The following ARHGAP20 variants were observed in gnomAD, a reference collection of about 807,000 sequenced individuals.
ARHGAP20 encodes the protein rho GTPase-activating protein 20.
Under a neutral mutation model 73.7 loss-of-function variants are expected in ARHGAP20, and 34 were observed. The observed-to-expected ratio is 0.46, with a 90% CI of 0.35 to 0.61. The LOEUF (loss-of-function observed/expected upper bound fraction) is 0.61, where lower values mean the gene tolerates loss of function less well. ARHGAP20 is among the 20% of genes least tolerant of loss of function. The pLI is 0.00. For missense variants in ARHGAP20, 1,314 were observed against 1,420.9 expected (o/e 0.92, Z 1.21); for synonymous variants, 523 against 518.2 (o/e 1.01, Z -0.13).
chr11:110,645,328 A>G (rs1185894577), intron 2 of ARHGAP20, among the ~76,000 whole-genome samples: 1 of 152,152 alleles, frequency 6.6e-6, no homozygotes, highest in Non-Finnish European at 1.5e-5. Context: ...ACTTCTCAAA[A>G]GAAGACATAC....
At chr11:110,686,924 A>G (rs1950143323) in intron 2 of ARHGAP20, among the ~76,000 whole-genome samples, 1 of 151,808 alleles carries the variant, frequency 6.6e-6, no homozygotes, top group Non-Finnish European at 1.5e-5. Context: ...AAGTAAAAGC[A>G]TAATCTCATC....
At chr11:110,584,844 CATAT>C (rs142469054) in intron 12 of ARHGAP20, among the ~76,000 whole-genome samples, 1 of 149,104 alleles carries the variant, frequency 6.7e-6, no homozygotes, top group Non-Finnish European at 1.5e-5. Flanking sequence ...ATTTCTGATT[CATAT>C]ATATATATGT....
At chr11:110,665,731 A>G (rs1372699774) in intron 2 of ARHGAP20, among the ~76,000 whole-genome samples, 1 of 152,220 alleles carries the variant, frequency 6.6e-6, no homozygotes, top group Non-Finnish European at 1.5e-5. Context: ...AGAACTGATC[A>G]GTGCATGTAT....
intron 7 of ARHGAP20, among the ~76,000 whole-genome samples, chr11:110,610,248 A>G (rs1948334751): frequency 6.6e-6 from 1 of 152,064 alleles, no homozygotes; most frequent in African/African-American, 2.4e-5. Context: ...ATTATCCCAA[A>G]TTCTGGTTGT....
At chr11:110,679,757 A>G (rs961055214) in intron 2 of ARHGAP20, among the ~76,000 whole-genome samples, 1 of 152,226 alleles carries the variant, frequency 6.6e-6, no homozygotes, top group Non-Finnish European at 1.5e-5. Flanking sequence ...ACATAGTGCT[A>G]GAGCAGGAGA....
At chr11:110,588,060 G>A (rs1405322874) in intron 11 of ARHGAP20, among the ~76,000 whole-genome samples, 3 of 152,102 alleles carry the variant, frequency 2.0e-5, no homozygotes, top group African/African-American at 7.2e-5. Context: ...GATCTGTCTT[G>A]AAGAAAAACA....
chr11:110,694,786 T>G (rs1016841313), intron 1 of ARHGAP20, among the ~76,000 whole-genome samples: 2 of 151,614 alleles, frequency 1.3e-5, no homozygotes, highest in Non-Finnish European at 3.0e-5. Flanking sequence ...AAGCATATTT[T>G]TGCATTCCCA....
At chr11:110,666,224 T>C (rs1949721389) in intron 2 of ARHGAP20, among the ~76,000 whole-genome samples, 1 of 152,058 alleles carries the variant, frequency 6.6e-6, no homozygotes, top group African/African-American at 2.4e-5. Flanking sequence ...TTGAAATAAA[T>C]GAAGAGATAC....
chr11:110,712,344 G>T lies in ARHGAP20; in HGVS notation c.-113C>A. ...GGCGGAGGCGCGGCTGCCGTGCTCA[G>T]GCAGGGAGCCGAGCTCCGGGTGCTC... On this transcript the variant is annotated 5_prime_UTR_variant, in exon 1 of 15. It adds an upstream start codon to the 5' untranslated region. Transcript: ENST00000683387. The T allele has an allele frequency of 2.2e-6, 2 of 894,714 alleles. No homozygotes were observed. Among genetic ancestry groups the T allele is most frequent in the Non-Finnish European group, 3.0e-6 (2 of 672,116 alleles). The allele number at this position is 894,714 out of a possible 1,614,324, so 55.4% of individuals were successfully genotyped here. A position where few individuals can be genotyped will look rare whatever the true frequency, so the allele number is the denominator to read the frequency against.
At chr11:110,666,419 C>A (rs1949725342) in intron 2 of ARHGAP20, among the ~76,000 whole-genome samples, 1 of 152,052 alleles carries the variant, frequency 6.6e-6, no homozygotes, top group Admixed American at 6.5e-5. Flanking sequence ...GAAAACAAAG[C>A]TAAAGGACTT....
chr11:110,624,149 C>T lies in ARHGAP20; in HGVS notation c.503+13G>A, dbSNP rs916369341. 3 of 1,607,370 alleles carry T rather than the reference C, an allele frequency of 1.9e-6. No homozygotes were observed. The African/African-American group carries it at 4.0e-5, about 22-fold the overall frequency. ...CTAACCCAGGTAAATAGAGGACAAGCTGTGGTTCTTACCTGAAAGTGGCCA... is the reference window on the plus strand; with the variant it reads ...CTAACCCAGGTAAATAGAGGACAAGTTGTGGTTCTTACCTGAAAGTGGCCA... On this transcript the variant is annotated intron_variant, in intron 4 of 14. Coordinates refer to ENST00000683387, the MANE Select transcript of ARHGAP20 (RefSeq NM_001384657.1).
chr11:110,711,203 C>G (rs1272368535), intron 1 of ARHGAP20, among the ~76,000 whole-genome samples: 1 of 152,136 alleles, frequency 6.6e-6, no homozygotes, highest in Non-Finnish European at 1.5e-5. Flanking sequence ...TCGGAATCCT[C>G]CCGCAGCACA....
Position 110,656,210 on chromosome 11 carries a change from T to C in ARHGAP20, c.189-25418A>G, listed in dbSNP as rs75883653. 9.9e-5 allele frequency among the ~76,000 whole-genome samples: 15 copies of C among 152,186 alleles called. No individual in the cohort carries two copies. The East Asian group carries it at 2.9e-3, about 30-fold the overall frequency. ...TGCTCCTCCTCAAGCAGTACACTCCTACTGCTTGTTACTCAGCATTAGGCT... is the reference window on the plus strand; with the variant it reads ...TGCTCCTCCTCAAGCAGTACACTCCCACTGCTTGTTACTCAGCATTAGGCT... On this transcript the variant is annotated intron_variant, in intron 2 of 14. Coordinates refer to ENST00000683387, the MANE Select transcript of ARHGAP20 (RefSeq NM_001384657.1).
chr11:110,578,883 T>C lies in ARHGAP20; in HGVS notation c.*487A>G, dbSNP rs941285651. 1 of 985,658 alleles carries C rather than the reference T, an allele frequency of 1.0e-6. No homozygotes were observed. Among genetic ancestry groups the C allele is most frequent in the African/African-American group, 1.7e-5 (1 of 57,250 alleles). 61.1% of individuals were successfully genotyped at this position (985,658 alleles called of 1,614,324 possible). On this transcript the variant is annotated 3_prime_UTR_variant, in exon 15 of 15. Coordinates refer to ENST00000683387, the MANE Select transcript of ARHGAP20 (RefSeq NM_001384657.1). ...AGATTTAGGGAAAGATTTTATATGA[T>C]GTTCTTCATTACTGGACACACTTAA...
At chr11:110,700,635 A>T (rs1412137667) in intron 1 of ARHGAP20, among the ~76,000 whole-genome samples, 5 of 151,690 alleles carry the variant, frequency 3.3e-5, no homozygotes, top group Non-Finnish European at 7.4e-5. Context: ...CATGTGCACA[A>T]TGTGCAGGTT....
At chr11:110,627,780 A>C (rs1005663957) in intron 3 of ARHGAP20, among the ~76,000 whole-genome samples, 1 of 152,198 alleles carries the variant, frequency 6.6e-6, no homozygotes, top group Non-Finnish European at 1.5e-5. Flanking sequence ...CTCAATGGCT[A>C]TTATCAGAGA....
At chr11:110,605,080 T>C (rs1314478142) in intron 9 of ARHGAP20, among the ~76,000 whole-genome samples, 1 of 152,092 alleles carries the variant, frequency 6.6e-6, no homozygotes, top group Non-Finnish European at 1.5e-5. Flanking sequence ...AGGAGATGTA[T>C]AGGAATGTAG....
At position 110,577,847 on chromosome 11, in the gene ARHGAP20, C is replaced by T. The variant is rs756209786; in HGVS notation, c.*1523G>A. On this transcript the variant is annotated 3_prime_UTR_variant, in exon 15 of 15. Transcript: ENST00000683387. ...CTATCTTAGAGAAAATATTTTTTCC[C>T]CTATAACTGAAAATGCAACCTTTAG... 149 of 985,434 alleles carry T rather than the reference C, an allele frequency of 1.5e-4. No individual in the cohort carries two copies. Among genetic ancestry groups the T allele is most frequent in the Non-Finnish European group, 1.7e-4 (138 of 829,808 alleles). 61.0% of individuals were successfully genotyped at this position (985,434 alleles called of 1,614,324 possible).
intron 1 of ARHGAP20, 59 bp from the exon 2 acceptor site, chr11:110,690,688 A>AT (rs555219591): frequency 2.3e-4 from 352 of 1,515,106 alleles, no homozygotes; most frequent in Middle Eastern, 1.2e-3. Flanking sequence ...GACAATGTTG[A>AT]TTTTTTTTTA....
Sources: gnomAD v4.1 joint callset for allele counts (sites outside exome capture counted in the v4.1 genomes callset) on GRCh38, gnomAD v4.1.1 for gene constraint, MANE v1.5 for transcripts, NCBI Gene and HGNC (gene_info 2026-07-23, HGNC 2026-07-21) for gene names.